Variants in NOTCH2NLB observed in about 807,000 individuals in gnomAD.
NOTCH2NLB encodes the protein notch homolog 2 N-terminal-like protein B.
Under a neutral mutation model 14.8 loss-of-function variants are expected in NOTCH2NLB, and 1 was observed. The observed-to-expected ratio is 0.07, with a 90% CI of 0.02 to 0.32. NOTCH2NLB has a LOEUF of 0.32. Ranked by LOEUF, NOTCH2NLB falls within the 10% of genes least tolerant of loss-of-function variation. The pLI is 1.00. For synonymous variants in NOTCH2NLB, 6 were observed against 57.5 expected (o/e 0.10, Z 4.05); for missense variants, 11 against 155.0 (o/e 0.07, Z 4.93).
intron 2 of NOTCH2NLB, among the ~76,000 whole-genome samples, chr1:148,622,729 CTAT>C (rs1192804145): frequency 2.9e-5 from 2 of 67,908 alleles, no homozygotes; most frequent in Non-Finnish European, 4.7e-5. Flanking sequence ...CAAAATACTA[CTAT>C]GTGCTATGGA....
chr1:148,673,638 G>A (rs1381474799), intron 1 of NOTCH2NLB, among the ~76,000 whole-genome samples: 209 of 147,504 alleles, frequency 1.4e-3, no homozygotes, highest in African/African-American at 3.5e-3. Context: ...GCTGGATTTC[G>A]CAAATTTCTT....
intron 3 of NOTCH2NLB, among the ~76,000 whole-genome samples, chr1:148,610,379 G>A (rs1663661798): frequency 8.1e-6 from 1 of 123,980 alleles, no homozygotes. Context: ...GAAAGAGAAA[G>A]AAAGAAAGAA....
rs1225043685 is a variant in NOTCH2NLB at position 148,637,955 on chromosome 1, G to A, written c.77+2061C>T. On this transcript the variant is annotated intron_variant, in intron 2 of 4. Coordinates refer to ENST00000593495, the Ensembl canonical transcript of NOTCH2NLB. ...TTTTATGGCTGCATACTATTCCATC[G>A]TGTATACATGCCACATTTTCTTTAT... 1.1e-4 allele frequency among the ~76,000 whole-genome samples: 16 copies of A among 147,966 alleles called. 1 individual carries two copies. The highest frequency in any genetic ancestry group is 5.8e-4 in the East Asian group (3 of 5,154).
rs1264356406 is a variant in NOTCH2NLB at position 148,625,478 on chromosome 1, T to G, written c.78-9528A>C. On this transcript the variant is annotated intron_variant, in intron 2 of 4. Transcript: ENST00000593495. ...AAACAGCTATTTCAAAGTCATGATT[T>G]TTAAAAAAACTATACAGAATGTGGA... 2.1e-5 allele frequency among the ~76,000 whole-genome samples: 2 copies of G among 97,298 alleles called. 1 individual carries two copies. Among genetic ancestry groups the G allele is most frequent in the Non-Finnish European group, 3.9e-5 (2 of 51,256 alleles). The allele number at this position is 97,298 out of a possible 152,430, so 63.8% of individuals were successfully genotyped here. A position where few individuals can be genotyped will look rare whatever the true frequency, so the allele number is the denominator to read the frequency against.
At chr1:148,649,858 C>CTTA (rs1664457175) in intron 1 of NOTCH2NLB, among the ~76,000 whole-genome samples, 1 of 110,278 alleles carries the variant, frequency 9.1e-6, no homozygotes, top group Non-Finnish European at 1.9e-5. Context: ...TAAGTACATG[C>CTTA]TTTTAAGTAC....
intron 1 of NOTCH2NLB, among the ~76,000 whole-genome samples, chr1:148,670,361 C>T (rs1664732143): frequency 7.0e-6 from 1 of 143,786 alleles, no homozygotes; most frequent in South Asian, 2.3e-4. Flanking sequence ...AATACAAACG[C>T]CACTGATGAT....
intron 1 of NOTCH2NLB, among the ~76,000 whole-genome samples, chr1:148,669,996 T>C (rs1357683940): frequency 2.2e-5 from 1 of 45,748 alleles, no homozygotes; most frequent in Non-Finnish European, 4.9e-5. Flanking sequence ...TTTTATTAAG[T>C]ATTAAAGTAA....
intron 3 of NOTCH2NLB, among the ~76,000 whole-genome samples, chr1:148,608,340 T>C (rs1663572843): frequency 7.3e-6 from 1 of 136,896 alleles, no homozygotes; most frequent in Non-Finnish European, 1.5e-5. Context: ...TGAGCCGAGA[T>C]TGTACCACTG....
rs1227570098 is a variant in NOTCH2NLB, at chr1:148,676,943, GAAT to G, written c.3+2516_3+2518del. ...CTCTCCACCACACCAAAAAAAAAAG[GAAT>G]AATAAGAAAGTGAAAGGAAAAATAG... On this transcript the variant is annotated intron_variant, in intron 1 of 4. Coordinates refer to ENST00000593495, the Ensembl canonical transcript of NOTCH2NLB. 1.3e-4 allele frequency among the ~76,000 whole-genome samples: 8 copies of G among 61,446 alleles called. 2 individuals carry two copies. Among genetic ancestry groups the G allele is most frequent in the African/African-American group, 4.0e-4 (8 of 20,204 alleles). 40.3% of individuals were successfully genotyped at this position (61,446 alleles called of 152,430 possible). A position where few individuals can be genotyped will look rare whatever the true frequency, so the allele number is the denominator to read the frequency against.
downstream of NOTCH2NLB, among the ~76,000 whole-genome samples, chr1:148,605,590 GAT>G (rs1339198304): frequency 7.2e-6 from 1 of 138,620 alleles, no homozygotes; most frequent in African/African-American, 3.0e-5. Flanking sequence ...TCAAGGAGGA[GAT>G]ACTATTCTAG....
intron 1 of NOTCH2NLB, among the ~76,000 whole-genome samples, chr1:148,645,965 ACTAT>A (rs1241320321): frequency 2.0e-5 from 3 of 149,552 alleles, no homozygotes; most frequent in African/African-American, 7.4e-5. Context: ...TCCACCATTG[ACTAT>A]CTCTGTATCT....
At chr1:148,676,117 C>A (rs1664850568) in intron 1 of NOTCH2NLB, among the ~76,000 whole-genome samples, 1 of 147,698 alleles carries the variant, frequency 6.8e-6, no homozygotes, top group African/African-American at 2.5e-5. Flanking sequence ...GTATGAATGA[C>A]ATTTAAGGAA....
intron 3 of NOTCH2NLB, among the ~76,000 whole-genome samples, chr1:148,610,373 G>GAGAAAGAAAGAA (rs1412553750): frequency 2.2e-5 from 2 of 89,186 alleles, no homozygotes; most frequent in African/African-American, 9.9e-5. Context: ...AAGAAAGAAA[G>GAGAAAGAAAGAA]AGAAAGAAAG....
intron 3 of NOTCH2NLB, among the ~76,000 whole-genome samples, chr1:148,609,678 A>C (rs1663622546): frequency 7.2e-6 from 1 of 139,342 alleles, no homozygotes; most frequent in African/African-American, 2.8e-5. Context: ...AAAGTATCTA[A>C]ATCTCTGACC....
intron 3 of NOTCH2NLB, among the ~76,000 whole-genome samples, chr1:148,608,351 C>A (rs1322683594): frequency 2.2e-5 from 3 of 135,744 alleles, no homozygotes; most frequent in Admixed American, 7.0e-5. Flanking sequence ...TGTACCACTG[C>A]ACTCCAGCCT....
At chr1:148,661,317 C>A (rs1463886651) in intron 1 of NOTCH2NLB, among the ~76,000 whole-genome samples, 1 of 149,812 alleles carries the variant, frequency 6.7e-6, no homozygotes, top group Non-Finnish European at 1.5e-5. Context: ...TTTGAAAAAA[C>A]AATTCCAAGG....
rs1360665507 is a variant in NOTCH2NLB at position 148,609,096 on chromosome 1, T to TATG, written c.338-1352_338-1351insCAT. 9.5e-4 allele frequency among the ~76,000 whole-genome samples: 132 copies of TATG among 138,876 alleles called. 11 individuals are homozygous for TATG. Among genetic ancestry groups the TATG allele is most frequent in the African/African-American group, 3.6e-3 (126 of 35,354 alleles). 91.1% of individuals were successfully genotyped at this position (138,876 alleles called of 152,430 possible). ...CAGAGATAAGAACTCCTTGAATTAT[T>TATG]ATTATTATTATTATTATACTTTAAG... On this transcript the variant is annotated intron_variant, in intron 3 of 4. Transcript: ENST00000593495.
At chr1:148,679,523 C>T (rs1272761583) in exon 1 of NOTCH2NLB, 2 of 1,136,560 alleles carry the variant, frequency 1.8e-6, no homozygotes, top group Admixed American at 6.5e-5. Context: ...GAGCGGGGCG[C>T]AGGGCGGGCA....
chr1:148,645,768 C>A (rs1333857310), intron 1 of NOTCH2NLB, among the ~76,000 whole-genome samples: 5 of 150,936 alleles, frequency 3.3e-5, no homozygotes, highest in East Asian at 3.9e-4. Flanking sequence ...GCCACCCCCC[C>A]ACCCATCCTT....
Sources: gnomAD v4.1 joint callset for allele counts (sites outside exome capture counted in the v4.1 genomes callset) on GRCh38, gnomAD v4.1.1 for gene constraint, MANE v1.5 for transcripts, NCBI Gene and HGNC (gene_info 2026-07-23, HGNC 2026-07-21) for gene names.